Variants in SLC15A4 observed in about 807,000 individuals in gnomAD.
The protein encoded by SLC15A4 is hPHT1.
SLC15A4 carries 26 observed loss-of-function variants against 46.1 expected under a neutral mutation model. That is an observed-to-expected ratio of 0.56 (90% CI 0.41 to 0.78). SLC15A4 has a LOEUF of 0.78. Ranked by LOEUF, SLC15A4 falls within the 30% of genes least tolerant of loss-of-function variation. The probability of loss-of-function intolerance (pLI) is 0.00; values close to 1 mark genes in which losing one functional copy is unlikely to be tolerated. For missense variants in SLC15A4, 751 were observed against 755.7 expected, an observed-to-expected ratio of 0.99 and a Z score of 0.07; for synonymous variants, 370 against 333.4, an observed-to-expected ratio of 1.11 and a Z score of -1.20.
chr12:128,823,805 C>T lies in SLC15A4; in HGVS notation c.139G>A (p.Glu47Lys), dbSNP rs769947723. The change falls in exon 1 of 8, where the codon GAG (glutamate) becomes AAG (lysine). Residue 47 changes from glutamate (E) to lysine (K), a missense_variant. By Grantham distance (56) the Glu-to-Lys change is moderately conservative. Transcript: ENST00000266771. Reference sequence around the variant, plus strand: ...GTGATGCCGTAGAAAGCGGCGCGCTCCAGCAGCTCCGTCAGCAGCACGGCC... The same window carrying T: ...GTGATGCCGTAGAAAGCGGCGCGCTTCAGCAGCTCCGTCAGCAGCACGGCC... ...CGAVLLTELL[E>K]RAAFYGITSN... is the part of the protein sequence containing the mutation. The T allele has an allele frequency of 1.7e-5, 25 of 1,491,480 alleles. No homozygotes were observed. Among genetic ancestry groups the T allele is most frequent in the Non-Finnish European group, 2.1e-5 (24 of 1,125,688 alleles). 92.4% of individuals were successfully genotyped at this position (1,491,480 alleles called of 1,614,324 possible).
At chr12:128,813,114 T>G (rs1252105839) in intron 2 of SLC15A4, 2 of 151,962 alleles carry the variant, frequency 1.3e-5, no homozygotes, top group Admixed American at 1.3e-4. Context: ...ACCTCTAGGA[T>G]CCGAAACACT....
At position 128,808,803 on chromosome 12, in the gene SLC15A4, A is replaced by G; in HGVS notation, c.1243T>C (p.Ser415Pro). 1 of 1,614,178 alleles carries G rather than the reference A, an allele frequency of 6.2e-7. No individual in the cohort carries two copies. Among genetic ancestry groups the G allele is most frequent in the Non-Finnish European group, 8.5e-7 (1 of 1,180,038 alleles). Residue 415 changes from serine (S) to proline (P), a missense_variant, in exon 5 of 8, where the codon TCG (serine) becomes CCG (proline). Physicochemically the swap from Ser to Pro is moderately conservative, Grantham distance 74. Coordinates refer to ENST00000266771, the MANE Select transcript of SLC15A4 (RefSeq NM_145648.4). ...TGCCTCTTACCTGCAGCAAAGGCCG[A>G]GCACATGACAAAGAACATGCCCACG... ...IAVGMFFVMC[S>P]AFAAGILESK...
In SLC15A4 at chr12:128,815,029, AT is replaced by A; in HGVS notation, c.587del (p.Asn196IlefsTer15). 6.2e-7 allele frequency: 1 copy of A among 1,612,556 alleles called. No individual in the cohort carries two copies. The highest frequency in any genetic ancestry group is 8.5e-7 in the Non-Finnish European group (1 of 1,178,596). On this transcript the variant is annotated frameshift_variant, in exon 2 of 8. Transcript: ENST00000266771. LOFTEE classifies it high-confidence loss of function. ...CCAGGTTAATGCTCCAATAAAACCA[AT>A]TAAAAAATCTCCTAGTGGCTTCCGG... The part of the protein sequence containing the change: ...RGPEATRRFF[N>X]WFYWSINLGA...
intron 1 of SLC15A4, among the ~76,000 whole-genome samples, chr12:128,821,871 C>T (rs1179095311): frequency 7.6e-6 from 1 of 132,076 alleles, no homozygotes; most frequent in Non-Finnish European, 1.6e-5. Flanking sequence ...GGCAACAGAG[C>T]GAGACTCCGC....
Position 128,793,818 on chromosome 12 carries a change from A to C in SLC15A4, c.*378T>G. 1 of 165,138 alleles carries C rather than the reference A, an allele frequency of 6.1e-6. No individual in the cohort carries two copies. 10.2% of individuals were successfully genotyped at this position (165,138 alleles called of 1,614,324 possible). ...TTTACAGTGAGATATGGCTATGGGA[A>C]GCAGGTGATACTATTTGTTTAAGAA... On this transcript the variant is annotated 3_prime_UTR_variant, in exon 8 of 8. Coordinates refer to ENST00000266771, the MANE Select transcript of SLC15A4 (RefSeq NM_145648.4).
In SLC15A4 at chr12:128,823,952, GC is replaced by G; in HGVS notation, c.-10del. 4.3e-6 allele frequency: 2 copies of G among 465,684 alleles called. No homozygotes were observed. Among genetic ancestry groups the G allele is most frequent in the Non-Finnish European group, 5.6e-6 (2 of 354,642 alleles). 28.8% of individuals were successfully genotyped at this position (465,684 alleles called of 1,614,324 possible). On this transcript the variant is annotated 5_prime_UTR_variant, in exon 1 of 8. Transcript: ENST00000266771. ...CCCCCAGAGCCCTCCATGCGACGCC[GC>G]CAGCTGCCTCGCCCCGCCGCCGGGT...
At chr12:128,809,306 C>T in intron 4 of SLC15A4, 90 bp downstream of exon 4, 1 of 832,710 alleles carries the variant, frequency 1.2e-6, no homozygotes, top group Non-Finnish European at 1.9e-6. Context: ...GTGCTGTTAA[C>T]ATTTATAAAA....
chr12:128,799,274 T>C lies in SLC15A4; in HGVS notation c.1558A>G (p.Ser520Gly). Residue 520 changes from serine (S) to glycine (G), a missense_variant, in exon 7 of 8, where the codon AGT becomes GGT. Ser to Gly is a moderately conservative substitution (Grantham distance 56). Coordinates refer to ENST00000266771, the MANE Select transcript of SLC15A4 (RefSeq NM_145648.4). The stretch of plus-strand genomic sequence containing the variant: ...TGGCTCTTACCAAAGTCTGTGTGAC[T>C]GCTCATCCATCCGATGGCTTTGATA... ...VSIKAIGWMS[S>G]HTDFGNINGC... 1 of 1,614,190 alleles carries C rather than the reference T, an allele frequency of 6.2e-7. No homozygotes were observed. Among genetic ancestry groups the C allele is most frequent in the East Asian group, 2.2e-5 (1 of 44,888 alleles).
intron 5 of SLC15A4, among the ~76,000 whole-genome samples, chr12:128,805,679 G>A (rs1955577506): frequency 6.6e-6 from 1 of 152,118 alleles, no homozygotes; most frequent in African/African-American, 2.4e-5. Context: ...TTAAAGGCAT[G>A]CGCCACCACG....
rs146832857 is a variant in SLC15A4, at chr12:128,808,419, C to T, written c.1258+369G>A. Among the ~76,000 whole-genome samples, 1,201 of 152,286 alleles carry T rather than the reference C, an allele frequency of 7.9e-3. 14 individuals are homozygous for T. The highest frequency in any genetic ancestry group is 0.027 in the African/African-American group (1,138 of 41,556). ...TGTTAATAAACCTAAGGTTAGTAAT[C>T]TGAAGGTGGAATTCTCATCCTTGAG... On this transcript the variant is annotated intron_variant, in intron 5 of 7. Transcript: ENST00000266771.
intron 7 of SLC15A4, among the ~76,000 whole-genome samples, chr12:128,796,913 A>C (rs573710501): frequency 5.0e-4 from 76 of 152,288 alleles, no homozygotes; most frequent in Middle Eastern, 3.4e-3. Context: ...GCCCTGCGGG[A>C]GTGGAGGTGC....
intron 4 of SLC15A4, 79 bp downstream of exon 4, chr12:128,809,317 G>A: frequency 1.1e-6 from 1 of 900,472 alleles, no homozygotes; most frequent in East Asian, 2.5e-5. Flanking sequence ...ATTTATAAAA[G>A]ATTTACAGTT....
chr12:128,808,963 TG>T lies in SLC15A4; in HGVS notation c.1090-8del. ...TCAGCCAGGCTGCAGGGAGCTGGGG[TG>T]AAACACAGGAGGAGGCGTTTACTCC... On this transcript the variant is annotated splice_region_variant and splice_polypyrimidine_tract_variant and intron_variant, in intron 4 of 7. Coordinates refer to ENST00000266771, the MANE Select transcript of SLC15A4 (RefSeq NM_145648.4). The T allele has an allele frequency of 2.5e-6, 4 of 1,610,848 alleles. No homozygotes were observed. Among genetic ancestry groups the T allele is most frequent in the Non-Finnish European group, 3.4e-6 (4 of 1,178,082 alleles).
chr12:128,795,060 T>G (rs1221585179), intron 7 of SLC15A4, among the ~76,000 whole-genome samples: 1 of 152,124 alleles, frequency 6.6e-6, no homozygotes, highest in African/African-American at 2.4e-5. Flanking sequence ...GACTATCTCT[T>G]TATCGAATCC....
chr12:128,811,942 GAC>G (rs1479179623), intron 2 of SLC15A4, among the ~76,000 whole-genome samples: 3 of 152,194 alleles, frequency 2.0e-5, no homozygotes, highest in Non-Finnish European at 4.4e-5. Context: ...GGTCACAAGT[GAC>G]ACCCGAACAC....
intron 1 of SLC15A4, among the ~76,000 whole-genome samples, chr12:128,818,295 C>T (rs528512197): frequency 6.6e-6 from 1 of 152,310 alleles, no homozygotes; most frequent in Non-Finnish European, 1.5e-5. Flanking sequence ...ACTAGGCCTC[C>T]TTCTCAAAGC....
chr12:128,806,182 A>AAAAAT lies in SLC15A4; in HGVS notation c.1258+2605_1258+2606insATTTT, dbSNP rs58961088. 1.3e-5 allele frequency among the ~76,000 whole-genome samples: 2 copies of AAAAAT among 150,920 alleles called. 1 individual carries two copies. On this transcript the variant is annotated intron_variant, in intron 5 of 7. Coordinates refer to ENST00000266771, the MANE Select transcript of SLC15A4 (RefSeq NM_145648.4). ...CTCTGTCTCAAAAAAAAAAAAAAAA[A>AAAAAT]GAAAAACCTATTACAAAAATGGGTA...
rs755568769 is a variant in SLC15A4 at position 128,823,485 on chromosome 12, G to A, written c.459C>T (p.Cys153=). Residue 153 remains cysteine, a synonymous_variant, in exon 1 of 8, where the codon TGC becomes TGT. Coordinates refer to ENST00000266771, the MANE Select transcript of SLC15A4 (RefSeq NM_145648.4). The part of the protein sequence containing the change: ...APGPDAAARC[C]SPATFAGLVL... ...CCAGCCCCGCGAAGGTGGCCGGTGAGCAGCAGCGGGCGGCGGCGTCGGGAC... is the reference window on the plus strand; with the variant it reads ...CCAGCCCCGCGAAGGTGGCCGGTGAACAGCAGCGGGCGGCGGCGTCGGGAC... 33 of 1,485,096 alleles carry A rather than the reference G, an allele frequency of 2.2e-5. No individual in the cohort carries two copies. In the African/African-American group the frequency reaches 3.2e-4, roughly 14 times the overall value. 92.0% of individuals were successfully genotyped at this position (1,485,096 alleles called of 1,614,324 possible). A position where few individuals can be genotyped will look rare whatever the true frequency, so the allele number is the denominator to read the frequency against.
chr12:128,805,626 G>T (rs1955576369), intron 5 of SLC15A4, among the ~76,000 whole-genome samples: 1 of 152,088 alleles, frequency 6.6e-6, no homozygotes, highest in Non-Finnish European at 1.5e-5. Context: ...TCCACCTCCT[G>T]AGTTCAAGCG....
Sources: allele counts gnomAD v4.1 joint callset (sites outside exome capture counted in the v4.1 genomes callset), GRCh38; gene constraint gnomAD v4.1.1; transcripts MANE v1.5; gene names NCBI Gene and HGNC (gene_info 2026-07-23, HGNC 2026-07-21).